Variants in ZNF256 observed in about 807,000 individuals in gnomAD.
ZNF256 encodes the protein zinc finger protein 256, also known as bone marrow zinc finger 3.
A neutral mutation model predicts 7.9 loss-of-function variants in ZNF256; 4 were observed. The observed-to-expected ratio is 0.50, with a 90% CI of 0.25 to 1.15. The LOEUF is 1.15. Among genes scored for constraint, ZNF256 ranks in the 50% most tolerant of loss-of-function variants. The probability of loss-of-function intolerance (pLI) is 0.15; values close to 1 mark genes in which losing one functional copy is unlikely to be tolerated. For missense variants in ZNF256, 666 were observed against 755.9 expected (o/e 0.88, Z 1.39); for synonymous variants, 260 against 260.4 (o/e 1.00, Z 0.02).
In ZNF256 at chr19:57,943,708, G is replaced by A. The variant is rs145251891; in HGVS notation, c.160+226C>T. ...CAAACGAGGTGAGATCCATGAGGCC[G>A]ACTATAAGAAGCCTAACTCTGAATC... is the stretch of plus-strand genomic sequence containing the variant. On this transcript the variant is annotated intron_variant, in intron 2 of 2. Coordinates refer to ENST00000282308, the MANE Select transcript of ZNF256 (RefSeq NM_005773.3). Among the ~76,000 whole-genome samples the A allele has an allele frequency of 7.4e-3, 1,128 of 152,292 alleles. 5 individuals carry two copies. The highest frequency in any genetic ancestry group is 0.012 in the Non-Finnish European group (788 of 68,016).
In ZNF256 at chr19:57,942,068, G is replaced by C; in HGVS notation, c.740C>G (p.Ser247Cys). Residue 247 changes from serine (S) to cysteine (C), a missense_variant, in exon 3 of 3, where the codon TCT becomes TGT. Transcript: ENST00000282308. ...RSYMCSECGK[S>C]FSTSCSLSDH... is the part of the protein sequence containing the mutation. ...ACTGAGGCTACAGCTTGTGCTAAAA[G>C]ATTTCCCACATTCACTGCACATGTA... is the stretch of plus-strand genomic sequence containing the variant. 1 of 1,614,220 alleles carries C rather than the reference G, an allele frequency of 6.2e-7. No homozygotes were observed. Among genetic ancestry groups the C allele is most frequent in the South Asian group, 1.1e-5 (1 of 91,088 alleles).
chr19:57,942,199 G>A lies in ZNF256; in HGVS notation c.609C>T (p.Ala203=), dbSNP rs770390323. The A allele has an allele frequency of 3.1e-6, 5 of 1,614,082 alleles. No individual in the cohort carries two copies. Among genetic ancestry groups the A allele is most frequent in the Non-Finnish European group, 4.2e-6 (5 of 1,180,042 alleles). The change falls in exon 3 of 3, where the codon GCC becomes GCT. Residue 203 remains alanine (A), a synonymous_variant. Coordinates refer to ENST00000282308, the MANE Select transcript of ZNF256 (RefSeq NM_005773.3). ...KKSNRTKSAV[A]FHSVKNHYNW... is the part of the protein sequence containing the mutation. Reference sequence around the variant, plus strand: ...TGTAATGATTTTTTACACTGTGAAAGGCCACTGCACTCTTGGTTCTGTTTG... The same window carrying A: ...TGTAATGATTTTTTACACTGTGAAAAGCCACTGCACTCTTGGTTCTGTTTG...
chr19:57,947,127 A>G (rs1359553279), intron 1 of ZNF256, among the ~76,000 whole-genome samples: 1 of 152,232 alleles, frequency 6.6e-6, no homozygotes, highest in Non-Finnish European at 1.5e-5. Context: ...AGAAAGAGCC[A>G]GGCCTCAGAG....
Position 57,942,548 on chromosome 19 carries a change from T to C in ZNF256, c.260A>G (p.Gln87Arg). ...ACATATCTCACAGGGGTTGGTCTTC[T>C]GGGGAGAAGGAAGGGCCTTAGGAAT... is the stretch of plus-strand genomic sequence containing the variant. ...VRIPKALPSP[Q>R]KTNPCEICGP... The change falls in exon 3 of 3, where the codon CAG becomes CGG. Residue 87 changes from glutamine to arginine, a missense_variant. Physicochemically the swap from Gln to Arg is conservative, Grantham distance 43. Coordinates refer to ENST00000282308, the MANE Select transcript of ZNF256 (RefSeq NM_005773.3). 1 of 1,614,202 alleles carries C rather than the reference T, an allele frequency of 6.2e-7. No individual in the cohort carries two copies. The highest frequency in any genetic ancestry group is 8.5e-7 in the Non-Finnish European group (1 of 1,180,040).
Position 57,942,264 on chromosome 19 carries a change from T to C in ZNF256, c.544A>G (p.Arg182Gly), listed in dbSNP as rs777657096. Reference protein sequence around the residue: ...EVGKDFLVRSRFLQQQAAHTR... With the variant: ...EVGKDFLVRSGFLQQQAAHTR... ...TGAGCAGCCTGTTGCTGAAGAAATC[T>C]TGATCTCACCAGGAAATCCTTCCCA... The change falls in exon 3 of 3, where the codon AGA (arginine) becomes GGA (glycine). Residue 182 changes from arginine (R) to glycine (G), a missense_variant. Arg to Gly is a moderately radical substitution (Grantham distance 125). Coordinates refer to ENST00000282308, the MANE Select transcript of ZNF256 (RefSeq NM_005773.3). 1.2e-6 allele frequency: 2 copies of C among 1,614,254 alleles called. No individual in the cohort carries two copies. The highest frequency in any genetic ancestry group is 3.3e-5 in the Admixed American group (2 of 60,026).
chr19:57,941,508 A>G lies in ZNF256; in HGVS notation c.1300T>C (p.Ser434Pro). The G allele has an allele frequency of 6.2e-7, 1 of 1,613,880 alleles. No homozygotes were observed. The highest frequency in any genetic ancestry group is 8.5e-7 in the Non-Finnish European group (1 of 1,179,982). ...QHQRVHTGVR[S>P]HECHECGKLF... ...TTTCCACATTCATGACATTCATGAG[A>G]TCTTACTCCAGTATGAACTCTCTGG... The change falls in exon 3 of 3, where the codon TCT becomes CCT. Residue 434 changes from serine (S) to proline (P), a missense_variant. Coordinates refer to ENST00000282308, the MANE Select transcript of ZNF256 (RefSeq NM_005773.3).
rs1218858131 is a variant in ZNF256 at position 57,941,241 on chromosome 19, C to G, written c.1567G>C (p.Glu523Gln). ...CTCTGGCTAAAAAACTTCCCACATT[C>G]ATTGCACTCATAAGGCCTTTCTCCA... Reference protein sequence around the residue: ...HTGERPYECNECGKFFSQSSS... With the variant: ...HTGERPYECNQCGKFFSQSSS... The change falls in exon 3 of 3, where the codon GAA becomes CAA. Residue 523 changes from glutamate (E) to glutamine (Q), a missense_variant. Physicochemically the swap from Glu to Gln is conservative, Grantham distance 29. Coordinates refer to ENST00000282308, the MANE Select transcript of ZNF256 (RefSeq NM_005773.3). 4.3e-6 allele frequency: 7 copies of G among 1,613,930 alleles called. No individual in the cohort carries two copies. The Admixed American group carries it at 1.2e-4, about 27-fold the overall frequency.
chr19:57,947,300 G>T, intron 1 of ZNF256, 142 bp downstream of exon 1: 1 of 851,248 alleles, frequency 1.2e-6, no homozygotes, highest in Non-Finnish European at 1.6e-6. Flanking sequence ...CCCTTCCCTA[G>T]CACACCAGGT....
Position 57,947,697 on chromosome 19 carries a change from C to T in ZNF256, c.-223G>A, listed in dbSNP as rs1600199113. ...AAAACGACCGCCACAAGGAGGACAACGGAAGTCCCGCCGCGACCGCGCGTG... is the reference window on the plus strand; with the variant it reads ...AAAACGACCGCCACAAGGAGGACAATGGAAGTCCCGCCGCGACCGCGCGTG... On this transcript the variant is annotated 5_prime_UTR_variant, in exon 1 of 3. Coordinates refer to ENST00000282308, the MANE Select transcript of ZNF256 (RefSeq NM_005773.3). 2.6e-5 allele frequency: 11 copies of T among 424,660 alleles called. No individual in the cohort carries two copies. In the East Asian group the frequency reaches 3.9e-4, roughly 15 times the overall value. The allele number at this position is 424,660 out of a possible 1,614,324, so 26.3% of individuals were successfully genotyped here.
In ZNF256 at chr19:57,944,063, G is replaced by T. The variant is rs2072749580; in HGVS notation, c.34-3C>A. 6.2e-7 allele frequency: 1 copy of T among 1,613,498 alleles called. No individual in the cohort carries two copies. The highest frequency in any genetic ancestry group is 1.7e-5 in the Admixed American group (1 of 59,964). ...ACGTCCTCAAAGGTCACAATGCCCT[G>T]CCAGGATGGGGACACATGAAACCAC... is the stretch of plus-strand genomic sequence containing the variant. On this transcript the variant is annotated splice_region_variant and splice_polypyrimidine_tract_variant and intron_variant, in intron 1 of 2. Coordinates refer to ENST00000282308, the MANE Select transcript of ZNF256 (RefSeq NM_005773.3).
chr19:57,947,448 C>T lies in ZNF256; in HGVS notation c.27G>A (p.Pro9=), dbSNP rs2072775288. The T allele has an allele frequency of 2.4e-6, 3 of 1,249,008 alleles. No individual in the cohort carries two copies. Among genetic ancestry groups the T allele is most frequent in the Non-Finnish European group, 3.0e-6 (3 of 988,496 alleles). 77.4% of individuals were successfully genotyped at this position (1,249,008 alleles called of 1,614,324 possible). A position where few individuals can be genotyped will look rare whatever the true frequency, so the allele number is the denominator to read the frequency against. The change falls in exon 1 of 3, where the codon CCG becomes CCA. Residue 9 remains proline, a synonymous_variant. Coordinates refer to ENST00000282308, the MANE Select transcript of ZNF256 (RefSeq NM_005773.3). MAAAELTA[P]AQGIVTFEDV... ...CAGAGGACGCGGCACATACCTGGGC[C>T]GGGGCCGTCAGCTCGGCCGCCGCCA...
At chr19:57,942,809 C>T (rs552321280) in intron 2 of ZNF256, among the ~76,000 whole-genome samples, 162 bp from the exon 3 acceptor site, 1 of 152,254 alleles carries the variant, frequency 6.6e-6, no homozygotes, top group East Asian at 1.9e-4. Flanking sequence ...CCTAGCAGAA[C>T]TGGGCCTCTA....
At position 57,940,962 on chromosome 19, in the gene ZNF256, A is replaced by T. The variant is rs2072722455; in HGVS notation, c.1846T>A (p.Ser616Thr). The T allele has an allele frequency of 2.5e-6, 4 of 1,614,022 alleles. No homozygotes were observed. Among genetic ancestry groups the T allele is most frequent in the African/African-American group, 2.7e-5 (2 of 74,926 alleles). The change falls in exon 3 of 3, where the codon TCC becomes ACC. Residue 616 changes from serine (S) to threonine (T), a missense_variant. Physicochemically the swap from Ser to Thr is moderately conservative, Grantham distance 58 (BLOSUM62 1). Transcript: ENST00000282308. ...SDCGKFFTFN[S>T]NLLKHQNVHK... ...ACGTTCTGATGTTTTAGGAGGTTGG[A>T]GTTGAAGGTAAAAAATTTTCCACAG...
chr19:57,945,603 T>C (rs1203986067), intron 1 of ZNF256, among the ~76,000 whole-genome samples: 2 of 152,200 alleles, frequency 1.3e-5, no homozygotes, highest in Non-Finnish European at 2.9e-5. Flanking sequence ...TCCGGCCTTA[T>C]ACCGCAACTT....
At position 57,941,119 on chromosome 19, in the gene ZNF256, A is replaced by C; in HGVS notation, c.1689T>G (p.Val563=). ...CTCCGGTATGAACTCTTCGGTGTTT[A>C]ACGAGGCTAGAGTGGTTACTAAAGG... The part of the protein sequence containing the change: ...WKSFSNHSSL[V]KHRRVHTGER... Residue 563 remains valine (V), a synonymous_variant, in exon 3 of 3, where the codon GTT becomes GTG. Transcript: ENST00000282308. 1 of 1,614,138 alleles carries C rather than the reference A, an allele frequency of 6.2e-7. No individual in the cohort carries two copies. Among genetic ancestry groups the C allele is most frequent in the Middle Eastern group, 1.6e-4 (1 of 6,062 alleles).
In ZNF256 at chr19:57,941,157, C is replaced by T. The variant is rs144766086; in HGVS notation, c.1651G>A (p.Glu551Lys). Residue 551 changes from glutamate to lysine, a missense_variant, in exon 3 of 3, where the codon GAG (glutamate) becomes AAG (lysine). Transcript: ENST00000282308. ...HTGERPYECS[E>K]CWKSFSNHSS... Reference sequence around the variant, plus strand: ...TGGTTACTAAAGGATTTCCAACACTCACTGCACTCATAAGGCCTTTCTCCG... The same window carrying T: ...TGGTTACTAAAGGATTTCCAACACTTACTGCACTCATAAGGCCTTTCTCCG... 1.2e-4 allele frequency: 188 copies of T among 1,614,200 alleles called. No homozygotes were observed. The highest frequency in any genetic ancestry group is 1.8e-4 in the Admixed American group (11 of 60,028).
intron 2 of ZNF256, 50 bp downstream of exon 2, chr19:57,943,884 G>GT: frequency 6.2e-7 from 1 of 1,600,228 alleles, no homozygotes; most frequent in Non-Finnish European, 8.5e-7. Flanking sequence ...TGGGGAAAGG[G>GT]TAAGAGCAAA....
Position 57,940,947 on chromosome 19 carries a change from G to A in ZNF256, c.1861C>T (p.His621Tyr). The change falls in exon 3 of 3, where the codon CAT becomes TAT. Residue 621 changes from histidine (H) to tyrosine (Y), a missense_variant. By Grantham distance (83) the His-to-Tyr change is moderately conservative (BLOSUM62 2). Coordinates refer to ENST00000282308, the MANE Select transcript of ZNF256 (RefSeq NM_005773.3). ...FFTFNSNLLK[H>Y]QNVHKG ...CTTTATCCCTTGTGAACGTTCTGAT[G>A]TTTTAGGAGGTTGGAGTTGAAGGTA... is the stretch of plus-strand genomic sequence containing the variant. 6.2e-7 allele frequency: 1 copy of A among 1,613,996 alleles called. No individual in the cohort carries two copies. The highest frequency in any genetic ancestry group is 1.3e-5 in the African/African-American group (1 of 75,040).
chr19:57,940,986 A>G lies in ZNF256; in HGVS notation c.1822T>C (p.Cys608Arg). 6.2e-7 allele frequency: 1 copy of G among 1,614,216 alleles called. No individual in the cohort carries two copies. The highest frequency in any genetic ancestry group is 8.5e-7 in the Non-Finnish European group (1 of 1,180,022). The part of the protein sequence containing the change: ...SGERPYECSD[C>R]GKFFTFNSNL... ...GAGTTGAAGGTAAAAAATTTTCCAC[A>G]GTCACTACACTCATAAGGCCTTTCC... Residue 608 changes from cysteine to arginine, a missense_variant, in exon 3 of 3, where the codon TGT (cysteine) becomes CGT (arginine). Coordinates refer to ENST00000282308, the MANE Select transcript of ZNF256 (RefSeq NM_005773.3).
Sources: allele counts gnomAD v4.1 joint callset (sites outside exome capture counted in the v4.1 genomes callset), GRCh38; gene constraint gnomAD v4.1.1; transcripts MANE v1.5; gene names NCBI Gene and HGNC (gene_info 2026-07-23, HGNC 2026-07-21).